The following MAGI2 variants were observed in gnomAD, a reference collection of about 807,000 sequenced individuals.
MAGI2 encodes membrane associated guanylate kinase, WW and PDZ domain containing 2, also known as membrane-associated guanylate kinase, WW and PDZ domain-containing protein 2.
A neutral mutation model predicts 133.3 loss-of-function variants in MAGI2; 35 were observed. The observed-to-expected ratio is 0.26, with a 90% CI of 0.20 to 0.35. The LOEUF is 0.35. Ranked by LOEUF, MAGI2 falls within the 10% of genes least tolerant of loss-of-function variation. The pLI, the probability that MAGI2 is intolerant of heterozygous loss-of-function variation, is 1.00. For missense variants in MAGI2, 1,636 were observed against 1,863.4 expected, an observed-to-expected ratio of 0.88 and a Z score of 2.25; for synonymous variants, 729 against 710.6, an observed-to-expected ratio of 1.03 and a Z score of -0.41.
intron 1 of MAGI2, among the ~76,000 whole-genome samples, chr7:79,365,890 A>AAAAAAT (rs1842674689): frequency 6.9e-6 from 1 of 145,640 alleles, no homozygotes; most frequent in South Asian, 2.2e-4. Context: ...AAAAAAAAAA[A>AAAAAAT]GTAACAAAAT....
chr7:78,092,961 G>C (rs537179098), intron 20 of MAGI2, among the ~76,000 whole-genome samples: 1 of 151,714 alleles, frequency 6.6e-6, no homozygotes, highest in African/African-American at 2.4e-5. Flanking sequence ...GGGAAACCCC[G>C]TCTCTACTAA....
rs139895160 is a variant in MAGI2 at position 78,245,160 on chromosome 7, G to A, written c.2047+10783C>T. 4.0e-3 allele frequency among the ~76,000 whole-genome samples: 609 copies of A among 152,278 alleles called. 4 individuals are homozygous for A. Among genetic ancestry groups the A allele is most frequent in the Non-Finnish European group, 7.5e-3 (509 of 68,014 alleles). On this transcript the variant is annotated intron_variant, in intron 10 of 21. Coordinates refer to ENST00000354212, the MANE Select transcript of MAGI2 (RefSeq NM_012301.4). ...CCATGAAATGAACTGAAAAAATTAC[G>A]AGAAACACTAAGATAACTCAGTAAA...
At chr7:79,332,602 A>T (rs1247943772) in intron 1 of MAGI2, among the ~76,000 whole-genome samples, 1 of 152,220 alleles carries the variant, frequency 6.6e-6, no homozygotes, top group Non-Finnish European at 1.5e-5. Context: ...CATAGGAAAT[A>T]TTAGTTCCTT....
chr7:78,999,306 T>C (rs1156592005), intron 2 of MAGI2, among the ~76,000 whole-genome samples: 1 of 151,932 alleles, frequency 6.6e-6, no homozygotes, highest in African/African-American at 2.4e-5. Flanking sequence ...CTTATTCCTT[T>C]TTTTTTTTCG....
At chr7:78,216,580 C>T (rs1322151663) in intron 10 of MAGI2, among the ~76,000 whole-genome samples, 1 of 152,202 alleles carries the variant, frequency 6.6e-6, no homozygotes, top group Non-Finnish European at 1.5e-5. Flanking sequence ...TTCTTTCAGA[C>T]TCTTCAGTCT....
chr7:78,664,911 T>C (rs947041221), intron 2 of MAGI2, among the ~76,000 whole-genome samples: 2 of 152,090 alleles, frequency 1.3e-5, no homozygotes, highest in Non-Finnish European at 2.9e-5. Flanking sequence ...TCACTCATGA[T>C]TCATTCTTCC....
chr7:79,316,723 A>G (rs1397932142), intron 1 of MAGI2, among the ~76,000 whole-genome samples: 1 of 152,182 alleles, frequency 6.6e-6, no homozygotes, highest in African/African-American at 2.4e-5. Context: ...ATTATGGGTT[A>G]CACAGTAAGG....
intron 6 of MAGI2, among the ~76,000 whole-genome samples, chr7:78,463,631 T>C (rs757311928): frequency 6.6e-6 from 1 of 152,160 alleles, no homozygotes; most frequent in Non-Finnish European, 1.5e-5. Flanking sequence ...GATGCAAGAA[T>C]AACATTCTGG....
In MAGI2 at chr7:79,040,288, G is replaced by A. The variant is rs772947592; in HGVS notation, c.302-33082C>T. Among the ~76,000 whole-genome samples the A allele has an allele frequency of 3.3e-5, 5 of 151,816 alleles. No individual in the cohort carries two copies. The South Asian group carries it at 6.2e-4, about 19-fold the overall frequency. On this transcript the variant is annotated intron_variant, in intron 1 of 21. Coordinates refer to ENST00000354212, the MANE Select transcript of MAGI2 (RefSeq NM_012301.4). The stretch of plus-strand genomic sequence containing the variant: ...TGCCTTCTGCCATGACTGTGTTTCC[G>A]GAGGCCTCCCCAGCCATTCTGAACT...
At chr7:78,675,348 T>C (rs1241379114) in intron 2 of MAGI2, among the ~76,000 whole-genome samples, 2 of 151,756 alleles carry the variant, frequency 1.3e-5, no homozygotes, top group Non-Finnish European at 2.9e-5. Context: ...AAGTTAATGA[T>C]ACAGACAGCA....
intron 2 of MAGI2, among the ~76,000 whole-genome samples, chr7:78,924,942 T>C (rs1173917480): frequency 6.6e-6 from 1 of 151,944 alleles, no homozygotes; most frequent in African/African-American, 2.4e-5. Context: ...GCTTTAATAA[T>C]TGTGCTCTCC....
intron 1 of MAGI2, among the ~76,000 whole-genome samples, chr7:79,010,277 T>A (rs1408867023): frequency 6.6e-6 from 1 of 152,102 alleles, no homozygotes; most frequent in Non-Finnish European, 1.5e-5. Context: ...TATGTATGTA[T>A]GTATATATAA....
chr7:78,471,623 T>C (rs1025859895), intron 6 of MAGI2, among the ~76,000 whole-genome samples: 1 of 152,010 alleles, frequency 6.6e-6, no homozygotes, highest in African/African-American at 2.4e-5. Flanking sequence ...AATGATACAG[T>C]TTACTTAATA....
chr7:78,409,451 ACTGTACTT>A (rs1797675521), intron 6 of MAGI2, among the ~76,000 whole-genome samples: 1 of 152,078 alleles, frequency 6.6e-6, no homozygotes, highest in South Asian at 2.1e-4. Context: ...GCGCTTTCGC[ACTGTACTT>A]CAGGGGCATC....
In MAGI2 at chr7:78,676,753, G is replaced by A. The variant is rs1229614346; in HGVS notation, c.419-49514C>T. On this transcript the variant is annotated intron_variant, in intron 2 of 21. Coordinates refer to ENST00000354212, the MANE Select transcript of MAGI2 (RefSeq NM_012301.4). ...ATACCTAGTATCTTTAAAGAAATGC[G>A]GTTCTGTGATGAACGTGGATATTAT... Among the ~76,000 whole-genome samples the A allele has an allele frequency of 5.3e-5, 8 of 151,910 alleles. No individual in the cohort carries two copies. The South Asian group carries it at 1.0e-3, about 20-fold the overall frequency.
intron 1 of MAGI2, among the ~76,000 whole-genome samples, chr7:79,008,254 G>A (rs12669763): frequency 0.75 from 113,368 of 152,010 alleles, 42,499 homozygotes; most frequent in East Asian, 0.82. Context: ...ATCCTTCTGA[G>A]TCTCAGAATT....
chr7:79,388,546 T>C (rs1844363104), intron 1 of MAGI2, among the ~76,000 whole-genome samples: 1 of 151,860 alleles, frequency 6.6e-6, no homozygotes, highest in African/African-American at 2.4e-5. Flanking sequence ...GAAAAGAATA[T>C]TCAAATTATG....
At chr7:78,735,206 A>G (rs555293796) in intron 2 of MAGI2, among the ~76,000 whole-genome samples, 196 of 152,316 alleles carry the variant, frequency 1.3e-3, no homozygotes, top group Non-Finnish European at 2.4e-3. Context: ...TAGAAAAATT[A>G]CATTATAATG....
At position 78,772,864 on chromosome 7, in the gene MAGI2, A is replaced by T. The variant is rs192512300; in HGVS notation, c.419-145625T>A. On this transcript the variant is annotated intron_variant, in intron 2 of 21. Coordinates refer to ENST00000354212, the MANE Select transcript of MAGI2 (RefSeq NM_012301.4). The stretch of plus-strand genomic sequence containing the variant: ...AGAAAGACCTAAAATGTTATAGGAA[A>T]AAAACATAAAAGATTTCACTTTATA... 5.3e-5 allele frequency among the ~76,000 whole-genome samples: 8 copies of T among 152,372 alleles called. No individual in the cohort carries two copies. The East Asian group carries it at 1.5e-3, about 29-fold the overall frequency.
Sources: gnomAD v4.1 joint callset for allele counts (sites outside exome capture counted in the v4.1 genomes callset) on GRCh38, gnomAD v4.1.1 for gene constraint, MANE v1.5 for transcripts, NCBI Gene and HGNC (gene_info 2026-07-23, HGNC 2026-07-21) for gene names.